Variants in FUT9 observed in about 807,000 individuals in gnomAD.
The protein encoded by FUT9 is 4-galactosyl-N-acetylglucosaminide 3-alpha-L-fucosyltransferase 9.
A neutral mutation model predicts 29.7 loss-of-function variants in FUT9; 15 were observed. That is an observed-to-expected ratio of 0.51 (90% CI 0.34 to 0.78). The LOEUF is 0.78. FUT9 is among the 30% of genes least tolerant of loss of function. The pLI is 0.01. For synonymous variants in FUT9, 169 were observed against 153.7 expected (o/e 1.10, Z -0.74); for missense variants, 319 against 425.4 (o/e 0.75, Z 2.20).
intron 2 of FUT9, among the ~76,000 whole-genome samples, chr6:96,141,514 G>A (rs1451714897): frequency 6.6e-6 from 1 of 152,176 alleles, no homozygotes; most frequent in Non-Finnish European, 1.5e-5. Flanking sequence ...AGAAAGTGGA[G>A]GGGTCCAGGG....
Position 96,205,549 on chromosome 6 carries a change from G to T in FUT9, c.*1314G>T, listed in dbSNP as rs1773812680. On this transcript the variant is annotated 3_prime_UTR_variant, in exon 3 of 3. Transcript: ENST00000302103. The stretch of plus-strand genomic sequence containing the variant: ...AAACCTACCATTACATGAAAATTTT[G>T]AAGAGTATATTCCTGAACTTGCAGC... The T allele has an allele frequency of 6.0e-6, 1 of 166,958 alleles. No individual in the cohort carries two copies. The highest frequency in any genetic ancestry group is 6.5e-5 in the Admixed American group (1 of 15,272). The allele number at this position is 166,958 out of a possible 1,614,324, so 10.3% of individuals were successfully genotyped here. A position where few individuals can be genotyped will look rare whatever the true frequency, so the allele number is the denominator to read the frequency against.
At chr6:96,155,121 T>G (rs2127977937) in intron 2 of FUT9, among the ~76,000 whole-genome samples, 1 of 152,330 alleles carries the variant, frequency 6.6e-6, no homozygotes, top group South Asian at 2.1e-4. Context: ...AGTCAAGGTT[T>G]ACTTCCCTAT....
Position 96,212,382 on chromosome 6 carries a change from A to G in FUT9, c.*8147A>G. Reference sequence around the variant, plus strand: ...TTTTCTGCCTCAAGAGTCCTTAAGCAAATGAAGATTATCTGATTGTCTATG... The same window carrying G: ...TTTTCTGCCTCAAGAGTCCTTAAGCGAATGAAGATTATCTGATTGTCTATG... On this transcript the variant is annotated 3_prime_UTR_variant, in exon 3 of 3. Coordinates refer to ENST00000302103, the MANE Select transcript of FUT9 (RefSeq NM_006581.4). The G allele has an allele frequency of 2.4e-6, 1 of 412,522 alleles. No homozygotes were observed. The highest frequency in any genetic ancestry group is 3.6e-5 in the East Asian group (1 of 28,048). The allele number at this position is 412,522 out of a possible 1,614,324, so 25.6% of individuals were successfully genotyped here. A position where few individuals can be genotyped will look rare whatever the true frequency, so the allele number is the denominator to read the frequency against.
intron 1 of FUT9, among the ~76,000 whole-genome samples, chr6:96,094,185 T>C (rs1771458174): frequency 6.6e-6 from 1 of 152,146 alleles, no homozygotes; most frequent in African/African-American, 2.4e-5. Context: ...ATTCCAGAAA[T>C]AAACAACTCA....
intron 2 of FUT9, among the ~76,000 whole-genome samples, chr6:96,179,094 T>C (rs1215436371): frequency 6.6e-6 from 1 of 152,126 alleles, no homozygotes; most frequent in African/African-American, 2.4e-5. Context: ...GCTGTAAATA[T>C]ATAGTTATTG....
chr6:96,133,958 AT>A (rs1355005149), intron 2 of FUT9, among the ~76,000 whole-genome samples: 2 of 151,676 alleles, frequency 1.3e-5, no homozygotes, highest in Admixed American at 6.6e-5. Flanking sequence ...AGTAGGCATA[AT>A]TTTTTTAATG....
intron 1 of FUT9, among the ~76,000 whole-genome samples, chr6:96,093,209 C>T (rs542808455): frequency 6.6e-6 from 1 of 152,242 alleles, no homozygotes; most frequent in African/African-American, 2.4e-5. Context: ...AAGCATCATA[C>T]CCCTAGTACC....
intron 1 of FUT9, among the ~76,000 whole-genome samples, chr6:96,086,176 C>T (rs372530813): frequency 2.6e-5 from 4 of 152,242 alleles, no homozygotes; most frequent in Non-Finnish European, 4.4e-5. Context: ...TTCTCCAGAC[C>T]GCATAAATGT....
At chr6:96,049,769 T>G (rs1770631528) in intron 1 of FUT9, among the ~76,000 whole-genome samples, 1 of 152,156 alleles carries the variant, frequency 6.6e-6, no homozygotes, top group Admixed American at 6.6e-5. Flanking sequence ...TCTGTTATTT[T>G]CATTCACAGA....
At chr6:96,142,751 A>C (rs1772488203) in intron 2 of FUT9, among the ~76,000 whole-genome samples, 1 of 152,166 alleles carries the variant, frequency 6.6e-6, no homozygotes, top group Non-Finnish European at 1.5e-5. Context: ...TTTATGCTTA[A>C]AAATATTTTT....
At chr6:96,121,680 C>T (rs1014372444) in intron 2 of FUT9, among the ~76,000 whole-genome samples, 1 of 152,140 alleles carries the variant, frequency 6.6e-6, no homozygotes, top group South Asian at 2.1e-4. Context: ...TTAATCTTCT[C>T]TTTTACTTTG....
chr6:96,125,421 G>A (rs1481023295), intron 2 of FUT9, among the ~76,000 whole-genome samples: 1 of 152,108 alleles, frequency 6.6e-6, no homozygotes, highest in East Asian at 1.9e-4. Flanking sequence ...ATTGAAATGT[G>A]ATATTGATTA....
intron 2 of FUT9, among the ~76,000 whole-genome samples, chr6:96,199,886 A>G (rs1314230802): frequency 6.6e-6 from 1 of 152,158 alleles, no homozygotes; most frequent in East Asian, 1.9e-4. Flanking sequence ...TTCTGGTGAT[A>G]AGGATACAGC....
At chr6:96,152,910 C>T (rs1158854045) in intron 2 of FUT9, among the ~76,000 whole-genome samples, 2 of 152,156 alleles carry the variant, frequency 1.3e-5, no homozygotes, top group East Asian at 1.9e-4. Context: ...CCCACGAACA[C>T]GGTTCAGTTA....
At chr6:96,173,395 C>T (rs17056370) in intron 2 of FUT9, among the ~76,000 whole-genome samples, 5,992 of 152,208 alleles carry the variant, frequency 0.039, 206 homozygotes, top group South Asian at 0.13. Flanking sequence ...TCCATCTTTA[C>T]CTGCTGTTCA....
At chr6:96,163,464 A>G (rs1186212400) in intron 2 of FUT9, among the ~76,000 whole-genome samples, 1 of 152,206 alleles carries the variant, frequency 6.6e-6, no homozygotes, top group Non-Finnish European at 1.5e-5. Flanking sequence ...ACAGTAGCTG[A>G]GCTGAGCCTT....
chr6:96,204,611 A>G lies in FUT9; in HGVS notation c.*376A>G, dbSNP rs1416014857. The G allele has an allele frequency of 1.2e-5, 2 of 169,554 alleles. No homozygotes were observed. Among genetic ancestry groups the G allele is most frequent in the Non-Finnish European group, 2.9e-5 (2 of 69,918 alleles). 10.5% of individuals were successfully genotyped at this position (169,554 alleles called of 1,614,324 possible). A position where few individuals can be genotyped will look rare whatever the true frequency, so the allele number is the denominator to read the frequency against. On this transcript the variant is annotated 3_prime_UTR_variant, in exon 3 of 3. Transcript: ENST00000302103. ...GAAGATGCACATCTTAAAGTATGAA[A>G]AATTTTCACTAAGTATTACAATGTC...
At chr6:96,128,391 C>T (rs1410147621) in intron 2 of FUT9, among the ~76,000 whole-genome samples, 1 of 152,046 alleles carries the variant, frequency 6.6e-6, no homozygotes, top group African/African-American at 2.4e-5. Flanking sequence ...AATGTCCAAC[C>T]TTACCAATTA....
At chr6:96,080,727 C>T (rs1025392725) in intron 1 of FUT9, among the ~76,000 whole-genome samples, 1 of 151,846 alleles carries the variant, frequency 6.6e-6, no homozygotes, top group African/African-American at 2.4e-5. Flanking sequence ...AAATGAATGC[C>T]ATCTGTATGC....
Sources: allele counts gnomAD v4.1 joint callset (sites outside exome capture counted in the v4.1 genomes callset), GRCh38; gene constraint gnomAD v4.1.1; transcripts MANE v1.5; gene names NCBI Gene and HGNC (gene_info 2026-07-23, HGNC 2026-07-21).